The following VAV1 variants were observed in gnomAD, a reference collection of about 807,000 sequenced individuals.
VAV1 encodes vav guanine nucleotide exchange factor 1, also known as proto-oncogene vav.
VAV1 carries 33 observed loss-of-function variants against 128.1 expected under a neutral mutation model. The observed-to-expected ratio is 0.26, with a 90% confidence interval of 0.20 to 0.34. VAV1 has a LOEUF of 0.34. VAV1 is among the 10% of genes least tolerant of loss of function. The pLI, the probability that VAV1 is intolerant of heterozygous loss-of-function variation, is 1.00. For missense variants in VAV1, 715 were observed against 1,093.7 expected (o/e 0.65, Z 4.88); for synonymous variants, 394 against 409.8 (o/e 0.96, Z 0.47).
chr19:6,788,166 T>C (rs1390430402), intron 1 of VAV1, among the ~76,000 whole-genome samples: 1 of 151,996 alleles, frequency 6.6e-6, no homozygotes, highest in African/African-American at 2.4e-5. Context: ...ACTTCTGGCC[T>C]CAAATGATCC....
intron 1 of VAV1, among the ~76,000 whole-genome samples, chr19:6,797,564 G>A (rs936371974): frequency 6.6e-6 from 1 of 151,332 alleles, no homozygotes; most frequent in Non-Finnish European, 1.5e-5. Context: ...TTAGCTGGGC[G>A]TGGTGACGCA....
chr19:6,828,102 G>A lies in VAV1; in HGVS notation c.954G>A (p.Gly318=), dbSNP rs1390136835. Residue 318 remains glycine (G), a synonymous_variant, in exon 10 of 27, where the codon GGG becomes GGA. Transcript: ENST00000602142. The surrounding 1 kb of genome is among the most constrained non-coding windows in gnomAD (Gnocchi z 4.5). ...LEECSQRANN[G]RFTLRDLLMV... ...AATGTTCTCAGAGAGCCAACAACGG[G>A]AGGTTCACCCTGCGGGACCTGCTGA... 6.2e-7 allele frequency: 1 copy of A among 1,614,076 alleles called. No homozygotes were observed. The highest frequency in any genetic ancestry group is 8.5e-7 in the Non-Finnish European group (1 of 1,180,050).
At chr19:6,776,954 A>G (rs1179232075) in intron 1 of VAV1, among the ~76,000 whole-genome samples, 1 of 151,848 alleles carries the variant, frequency 6.6e-6, no homozygotes, top group Non-Finnish European at 1.5e-5. Context: ...ATGGGGTTTC[A>G]CCATATTGGC....
intron 25 of VAV1, 109 bp from the exon 26 acceptor site, chr19:6,853,838 C>T (rs891713898): frequency 6.4e-6 from 9 of 1,410,618 alleles, no homozygotes; most frequent in Admixed American, 2.0e-5. Context: ...CAGAAAAGAG[C>T]ACTGAGGAGC....
At chr19:6,808,374 AAC>A (rs1971442939) in intron 1 of VAV1, among the ~76,000 whole-genome samples, 1 of 152,198 alleles carries the variant, frequency 6.6e-6, no homozygotes, top group Non-Finnish European at 1.5e-5. Flanking sequence ...ACCTTAGGAC[AAC>A]AGGCATAAGC....
intron 23 of VAV1, among the ~76,000 whole-genome samples, chr19:6,849,902 G>T (rs1432338635): frequency 6.6e-6 from 1 of 152,130 alleles, no homozygotes; most frequent in Non-Finnish European, 1.5e-5. Context: ...ACAAACAAGG[G>T]TGTGTGTCTT....
intron 21 of VAV1, among the ~76,000 whole-genome samples, chr19:6,841,009 C>G (rs1972362173): frequency 6.6e-6 from 1 of 151,976 alleles, no homozygotes; most frequent in African/African-American, 2.4e-5. Context: ...AACTCCTGAC[C>G]TGAGGTGATC....
intron 1 of VAV1, among the ~76,000 whole-genome samples, chr19:6,799,041 G>T (rs1381757089): frequency 6.6e-6 from 1 of 151,940 alleles, no homozygotes; most frequent in Non-Finnish European, 1.5e-5. Context: ...TTCTGTGACT[G>T]GCTGCTTTCC....
intron 16 of VAV1, 72 bp from the exon 17 acceptor site, chr19:6,833,456 T>C (rs1182432914): frequency 1.4e-5 from 21 of 1,477,060 alleles, no homozygotes; most frequent in Non-Finnish European, 1.8e-5. Context: ...GGTCCCTTTA[T>C]GTTTTTAGCA....
intron 26 of VAV1, among the ~76,000 whole-genome samples, chr19:6,854,971 T>A (rs1972757449): frequency 6.6e-6 from 1 of 151,868 alleles, no homozygotes. Context: ...TACAAAGAGG[T>A]AGAGCTGGGA....
At position 6,840,759 on chromosome 19, in the gene VAV1, C is replaced by A. The variant is rs145196954; in HGVS notation, c.1981-2376C>A. On this transcript the variant is annotated intron_variant, in intron 21 of 26. Transcript: ENST00000602142. ...AGCTGGGACTACAGGCATGTGCCAC[C>A]ATGCCTGGCTAATTTTTCTACTTTT... is the stretch of plus-strand genomic sequence containing the variant. Among the ~76,000 whole-genome samples, 150 of 152,074 alleles carry A rather than the reference C, an allele frequency of 9.9e-4. 2 individuals are homozygous for A. The highest frequency in any genetic ancestry group is 3.4e-3 in the African/African-American group (143 of 41,492).
At chr19:6,850,919 G>A (rs1243600846) in intron 24 of VAV1, among the ~76,000 whole-genome samples, 162 bp downstream of exon 24, 2 of 151,914 alleles carry the variant, frequency 1.3e-5, no homozygotes, top group Non-Finnish European at 2.9e-5. Flanking sequence ...ATGAACAATG[G>A]GAATAATAAT....
At chr19:6,827,513 G>A (rs907985577) in intron 9 of VAV1, among the ~76,000 whole-genome samples, 1 of 152,052 alleles carries the variant, frequency 6.6e-6, no homozygotes, top group African/African-American at 2.4e-5. Context: ...GGGCTCAAGC[G>A]ACTCACCCAC....
chr19:6,814,732 C>CTTTTTTT (rs1555701472), intron 1 of VAV1, among the ~76,000 whole-genome samples: 1 of 130,062 alleles, frequency 7.7e-6, no homozygotes, highest in Non-Finnish European at 1.6e-5. Flanking sequence ...TTCTTTCTTT[C>CTTTTTTT]CTTTTTCCCT....
At chr19:6,803,772 C>T (rs1971324996) in intron 1 of VAV1, among the ~76,000 whole-genome samples, 1 of 152,076 alleles carries the variant, frequency 6.6e-6, no homozygotes, top group East Asian at 1.9e-4. Flanking sequence ...ACCATGTTGG[C>T]CAGGCTGGCC....
chr19:6,775,462 A>G (rs1970600955), intron 1 of VAV1, among the ~76,000 whole-genome samples: 1 of 152,212 alleles, frequency 6.6e-6, no homozygotes, highest in East Asian at 1.9e-4. Context: ...GTAACAGGGA[A>G]CAACGGGAAC....
chr19:6,854,446 C>T (rs895513310), intron 26 of VAV1, among the ~76,000 whole-genome samples: 1 of 152,094 alleles, frequency 6.6e-6, no homozygotes, highest in Non-Finnish European at 1.5e-5. Flanking sequence ...GTCACGGTGG[C>T]TCATGCCTGT....
At chr19:6,776,907 G>T (rs944841989) in intron 1 of VAV1, among the ~76,000 whole-genome samples, 3 of 151,964 alleles carry the variant, frequency 2.0e-5, no homozygotes, top group Non-Finnish European at 4.4e-5. Flanking sequence ...ACAGGCACCC[G>T]CCACCACGCC....
intron 1 of VAV1, among the ~76,000 whole-genome samples, chr19:6,815,141 T>TTTTATTTA (rs550181298): frequency 1.3e-5 from 2 of 152,030 alleles, no homozygotes; most frequent in South Asian, 2.1e-4. Context: ...TTGCTTCTTC[T>TTTTATTTA]TTTATTTATT....
Sources: allele counts gnomAD v4.1 joint callset (sites outside exome capture counted in the v4.1 genomes callset), GRCh38; gene constraint gnomAD v4.1.1; non-coding constraint Gnocchi (gnomAD v3.1); transcripts MANE v1.5; gene names NCBI Gene and HGNC (gene_info 2026-07-23, HGNC 2026-07-21).